ANK2: variants seen among roughly 807,000 people sequenced by gnomAD.
ANK2 encodes the protein ankyrin-2.
In ANK2, 83 loss-of-function variants were observed where a neutral mutation model predicts 360.5. That is an observed-to-expected ratio of 0.23 (90% CI 0.19 to 0.28). ANK2 has a LOEUF of 0.28. Ranked by LOEUF, ANK2 falls within the 10% of genes least tolerant of loss-of-function variation. The probability of loss-of-function intolerance (pLI) is 1.00; values close to 1 mark genes in which losing one functional copy is unlikely to be tolerated. For synonymous variants in ANK2, 1,740 were observed against 1,759.5 expected (o/e 0.99, Z 0.28); for missense variants, 4,201 against 4,795.7 (o/e 0.88, Z 3.66).
chr4:112,758,449 C>T, the ANK2 span, among the ~76,000 whole-genome samples: 1 of 152,040 alleles, frequency 6.6e-6, no homozygotes, highest in African/African-American at 2.4e-5. Context: ...CTCACTCTGT[C>T]GCCCAGGCTG....
intron 4 of ANK2, among the ~76,000 whole-genome samples, chr4:113,210,334 T>G (rs916886292): frequency 6.6e-6 from 1 of 152,096 alleles, no homozygotes; most frequent in African/African-American, 2.4e-5. Flanking sequence ...TTGAAGAAAA[T>G]AAGATGAAGA....
chr4:113,023,383 C>T (rs1336757634), intron 2 of ANK2, among the ~76,000 whole-genome samples: 4 of 152,354 alleles, frequency 2.6e-5, no homozygotes, highest in Middle Eastern at 3.4e-3. Flanking sequence ...ACCTCCCACC[C>T]TCCAGTCCAT....
chr4:112,948,557 G>T (rs1367083204), intron 2 of ANK2, among the ~76,000 whole-genome samples: 1 of 152,144 alleles, frequency 6.6e-6, no homozygotes, highest in Non-Finnish European at 1.5e-5. Flanking sequence ...CAATGAAGGG[G>T]TTGCACACAG....
Position 112,843,634 on chromosome 4 carries a change from A to G in ANK2, c.-40+25370A>G, listed in dbSNP as rs60067432. 1.4e-4 allele frequency among the ~76,000 whole-genome samples: 22 copies of G among 152,090 alleles called. No homozygotes were observed. In the East Asian group the frequency reaches 4.3e-3, roughly 29 times the overall value. On this transcript the variant is annotated intron_variant, in intron 1 of 30. Transcript: ENST00000503271. ...GTTTTTGCACTTGGGAAAAAATGCAATTTTTCCCAAAATGAATGAATTTCC... is the reference window on the plus strand; with the variant it reads ...GTTTTTGCACTTGGGAAAAAATGCAGTTTTTCCCAAAATGAATGAATTTCC...
At chr4:113,075,267 C>A (rs2154343184) in intron 1 of ANK2, among the ~76,000 whole-genome samples, 1 of 152,236 alleles carries the variant, frequency 6.6e-6, no homozygotes, top group Admixed American at 6.5e-5. Context: ...TGTTGATATG[C>A]AATAATCTTT....
At chr4:112,879,140 C>A (rs1230888502) in intron 1 of ANK2, among the ~76,000 whole-genome samples, 1 of 151,980 alleles carries the variant, frequency 6.6e-6, no homozygotes, top group Middle Eastern at 3.2e-3. Context: ...AAACAAAAAA[C>A]TAGGGATGGG....
At chr4:112,752,958 G>A in the ANK2 span, among the ~76,000 whole-genome samples, 1,168 of 152,236 alleles carry the variant, frequency 7.7e-3, 13 homozygotes, top group African/African-American at 0.027. Context: ...GAACCTTTGC[G>A]CTGGCCTCCC....
In ANK2 at chr4:113,356,714, T is replaced by C. The variant is rs1588992906; in HGVS notation, c.8096T>C (p.Met2699Thr). ...VQPPSPLPSS[M>T]DSNSSPEEVQ... ...CCTCCTTCTCCACTTCCATCAAGCA[T>C]GGACTCCAATTCCAGTCCAGAAGAA... is the stretch of plus-strand genomic sequence containing the variant. Residue 2699 changes from methionine to threonine, a missense_variant, in exon 38 of 46, where the codon ATG (methionine) becomes ACG (threonine). Physicochemically the swap from Met to Thr is moderately conservative, Grantham distance 81 (BLOSUM62 -1). This residue lies in a region of ANK2 where 2,642 missense variants were observed against 2,714.5 expected (regional missense o/e 0.97). Coordinates refer to ENST00000357077, the MANE Select transcript of ANK2 (RefSeq NM_001148.6). 3.1e-6 allele frequency: 5 copies of C among 1,614,006 alleles called. No individual in the cohort carries two copies. The highest frequency in any genetic ancestry group is 1.3e-5 in the African/African-American group (1 of 74,918).
the ANK2 span, among the ~76,000 whole-genome samples, chr4:112,748,940 C>T: frequency 6.6e-6 from 1 of 152,202 alleles, no homozygotes; most frequent in Non-Finnish European, 1.5e-5. Flanking sequence ...GCTCTTGTCA[C>T]CCAGGCTGGA....
Position 112,890,178 on chromosome 4 carries a change from G to A in ANK2, c.-39-14277G>A, listed in dbSNP as rs907669645. 3.9e-5 allele frequency among the ~76,000 whole-genome samples: 6 copies of A among 152,070 alleles called. No homozygotes were observed. The South Asian group carries it at 6.2e-4, about 16-fold the overall frequency. ...CTTTAAAAACACTGTGAGGAGGTAC[G>A]AACATAACATTTCTTGCCAAATATT... On this transcript the variant is annotated intron_variant, in intron 1 of 30. Coordinates refer to the ANK2 transcript ENST00000503271.
chr4:113,049,631 C>T, upstream of ANK2: 1 of 1,486,574 alleles, frequency 6.7e-7, no homozygotes, highest in Non-Finnish European at 9.0e-7. Flanking sequence ...CACCCCTCCT[C>T]CTCCTCCTGC....
At chr4:113,163,678 C>G (rs559403559) in intron 1 of ANK2, among the ~76,000 whole-genome samples, 4 of 145,382 alleles carry the variant, frequency 2.8e-5, no homozygotes, top group Non-Finnish European at 6.0e-5. Context: ...GCAGGAGAAT[C>G]GCTTGAACCT....
At chr4:112,819,599 AGT>A (rs2056402987) in intron 1 of ANK2, among the ~76,000 whole-genome samples, 1 of 152,164 alleles carries the variant, frequency 6.6e-6, no homozygotes, top group Non-Finnish European at 1.5e-5. Flanking sequence ...TGCCCCACCC[AGT>A]GTTGTGAACA....
intron 2 of ANK2, among the ~76,000 whole-genome samples, chr4:112,937,525 G>A (rs761908741): frequency 5.9e-5 from 9 of 151,644 alleles, no homozygotes; most frequent in African/African-American, 9.7e-5. Flanking sequence ...ACTGGGTTTC[G>A]CCATGTTGGC....
At chr4:112,804,563 T>C in the ANK2 span, among the ~76,000 whole-genome samples, 3 of 152,194 alleles carry the variant, frequency 2.0e-5, no homozygotes, top group Non-Finnish European at 2.9e-5. Context: ...GAGCTTGTTA[T>C]AGAATGCCAG....
At chr4:112,826,008 A>G (rs1041698004) in intron 1 of ANK2, among the ~76,000 whole-genome samples, 3 of 152,188 alleles carry the variant, frequency 2.0e-5, no homozygotes, top group Non-Finnish European at 2.9e-5. Context: ...TCAGGGGAGA[A>G]GGTCAACGAG....
At chr4:113,274,384 G>C in intron 14 of ANK2, 68 bp from the exon 15 acceptor site, 1 of 1,504,220 alleles carries the variant, frequency 6.6e-7, no homozygotes, top group Non-Finnish European at 9.3e-7. Flanking sequence ...TGAAATATGT[G>C]AGTGAAACAT....
At chr4:112,814,937 T>G (rs2055530866), upstream of ANK2, among the ~76,000 whole-genome samples, 1 of 152,244 alleles carries the variant, frequency 6.6e-6, no homozygotes, top group South Asian at 2.1e-4. Flanking sequence ...ACCTGAACAG[T>G]GCTATTTTTA....
intron 2 of ANK2, among the ~76,000 whole-genome samples, chr4:113,174,818 A>G (rs956862168): frequency 1.6e-4 from 25 of 152,202 alleles, no homozygotes; most frequent in African/African-American, 5.3e-4. Flanking sequence ...CTTCTCATTT[A>G]TCATCTAGTA....
Sources: gnomAD v4.1 joint callset for allele counts (sites outside exome capture counted in the v4.1 genomes callset) on GRCh38, gnomAD v4.1.1 for gene constraint, gnomAD v4.1.1 regional missense constraint, MANE v1.5 for transcripts, NCBI Gene and HGNC (gene_info 2026-07-23, HGNC 2026-07-21) for gene names.